Variants in TRIO observed in about 807,000 individuals in gnomAD.
TRIO encodes trio Rho guanine nucleotide exchange factor, also known as triple functional domain protein.
TRIO carries 58 observed loss-of-function variants against 351.9 expected under a neutral mutation model. The ratio of observed to expected loss-of-function variants is 0.16; its 90% confidence interval spans 0.13 to 0.21. The LOEUF (loss-of-function observed/expected upper bound fraction) is 0.21. TRIO is among the 10% of genes least tolerant of loss of function. TRIO has a pLI of 1.00. For missense variants in TRIO, 3,201 were observed against 4,027.8 expected (o/e 0.79, Z 5.56); for synonymous variants, 1,758 against 1,595.7 (o/e 1.10, Z -2.42).
Position 14,330,867 on chromosome 5 carries a change from G to A in TRIO, c.1821G>A (p.Gln607=). Reference sequence around the variant, plus strand: ...CTCTTCATCGGGCCAGAGCATTGCAGAAACGTCATGAAGATTTTGAAGAAG... The same window carrying A: ...CTCTTCATCGGGCCAGAGCATTGCAAAAACGTCATGAAGATTTTGAAGAAG... ...GKSLHRARAL[Q]KRHEDFEEVA... is the part of the protein sequence containing the mutation. The change falls in exon 10 of 57, where the codon CAG becomes CAA. Residue 607 remains glutamine (Q), a synonymous_variant. Transcript: ENST00000344204. The A allele has an allele frequency of 6.2e-7, 1 of 1,614,170 alleles. No individual in the cohort carries two copies. The highest frequency in any genetic ancestry group is 8.5e-7 in the Non-Finnish European group (1 of 1,180,004).
rs1452738725 is a variant in TRIO at position 14,507,173 on chromosome 5, T to A, written c.8664T>A (p.Thr2888=). The A allele has an allele frequency of 2.5e-6, 4 of 1,612,286 alleles. No homozygotes were observed. Among genetic ancestry groups the A allele is most frequent in the Non-Finnish European group, 3.4e-6 (4 of 1,179,722 alleles). ...GCGTGGTGCGATGGGGAAGCCTCACTGAAGGGAAGATCAGGGCGCACCTGG... is the reference window on the plus strand; with the variant it reads ...GCGTGGTGCGATGGGGAAGCCTCACAGAAGGGAAGATCAGGGCGCACCTGG... The part of the protein sequence containing the change: ...LDCVVRWGSL[T]EGKIRAHLGE... Residue 2888 remains threonine, a synonymous_variant, in exon 56 of 57, where the codon ACT becomes ACA. Transcript: ENST00000344204.
rs567199995 is a variant in TRIO at position 14,258,302 on chromosome 5, C to A, written c.158-12523C>A. On this transcript the variant is annotated intron_variant, in intron 1 of 56. Transcript: ENST00000344204. ...TCATTTCCTCTGCTGGATCCCAGCTCCTGGGGCAGCAGGCACCCTGAGGTC... is the reference window on the plus strand; with the variant it reads ...TCATTTCCTCTGCTGGATCCCAGCTACTGGGGCAGCAGGCACCCTGAGGTC... Among the ~76,000 whole-genome samples the A allele has an allele frequency of 7.2e-5, 11 of 152,292 alleles. No homozygotes were observed. In the South Asian group the frequency reaches 1.5e-3, roughly 20 times the overall value.
chr5:14,143,460 G>T lies in TRIO; in HGVS notation c.-266G>T, dbSNP rs1031467958. ...CCGGGAGGCGCGTGCTGCTGCCCGC[G>T]CTCCGGCCGGCGCCCGGGAGGCCGT... On this transcript the variant is annotated 5_prime_UTR_variant, in exon 1 of 57. Coordinates refer to ENST00000344204, the MANE Select transcript of TRIO (RefSeq NM_007118.4). Among the ~76,000 whole-genome samples, 2 of 148,438 alleles carry T rather than the reference G, an allele frequency of 1.3e-5. No homozygotes were observed.
rs71599612 is a variant in TRIO, at chr5:14,248,065, C to CAA, written c.158-22745_158-22744dup. Among the ~76,000 whole-genome samples, 1,168 of 132,218 alleles carry CAA rather than the reference C, an allele frequency of 8.8e-3. 22 individuals carry two copies. Among genetic ancestry groups the CAA allele is most frequent in the East Asian group, 0.051 (232 of 4,554 alleles). The allele number at this position is 132,218 out of a possible 152,430, so 86.7% of individuals were successfully genotyped here. ...TGGGCAACAGAGCGAGACTCCGTCT[C>CAA]AAAAAAAAAAAAAAAAGAAAATATA... On this transcript the variant is annotated intron_variant, in intron 1 of 56. Coordinates refer to ENST00000344204, the MANE Select transcript of TRIO (RefSeq NM_007118.4).
intron 1 of TRIO, among the ~76,000 whole-genome samples, chr5:14,235,994 A>G (rs1048276648): frequency 4.6e-5 from 7 of 152,120 alleles, no homozygotes; most frequent in African/African-American, 1.7e-4. Flanking sequence ...TCGATGATAC[A>G]TAAAACTTAT....
chr5:14,305,838 CAGT>C (rs1561317037), intron 8 of TRIO, among the ~76,000 whole-genome samples: 2 of 152,178 alleles, frequency 1.3e-5, no homozygotes, highest in Non-Finnish European at 2.9e-5. Flanking sequence ...GCAAATAAGA[CAGT>C]GGTCCTATAA....
intron 19 of TRIO, among the ~76,000 whole-genome samples, chr5:14,376,715 T>C (rs981665380): frequency 1.3e-5 from 2 of 152,264 alleles, no homozygotes; most frequent in African/African-American, 2.4e-5. Flanking sequence ...CCAACATCTT[T>C]GTACAAACAG....
intron 48 of TRIO, among the ~76,000 whole-genome samples, chr5:14,492,212 A>G (rs1756537698): frequency 6.6e-6 from 1 of 152,210 alleles, no homozygotes; most frequent in African/African-American, 2.4e-5. Flanking sequence ...TGATGTGGCT[A>G]TGTTTGCTTA....
At chr5:14,170,049 G>C (rs1005481867) in intron 1 of TRIO, among the ~76,000 whole-genome samples, 1 of 152,206 alleles carries the variant, frequency 6.6e-6, no homozygotes, top group Admixed American at 6.5e-5. Flanking sequence ...AAGAAGTTCT[G>C]AAGTCAGGCT....
intron 18 of TRIO, 49 bp downstream of exon 18, chr5:14,369,572 G>A: frequency 6.4e-7 from 1 of 1,554,114 alleles, no homozygotes; most frequent in Non-Finnish European, 8.7e-7. Flanking sequence ...CTTCCTGCCT[G>A]CCAGGTGCGC....
chr5:14,391,008 A>T lies in TRIO; in HGVS notation c.4218+18A>T. 6.4e-7 allele frequency: 1 copy of T among 1,569,532 alleles called. No homozygotes were observed. On this transcript the variant is annotated intron_variant, in intron 27 of 56. Transcript: ENST00000344204. ...ATTTTGACGTAAGTAATAGATTCCT[A>T]AAGAGACCATAATTTTCCAAGTTGT... is the stretch of plus-strand genomic sequence containing the variant.
chr5:14,374,147 C>A, intron 18 of TRIO, 82 bp from the exon 19 acceptor site: 3 of 947,134 alleles, frequency 3.2e-6, no homozygotes, highest in South Asian at 1.6e-5. Flanking sequence ...TAAAGACATA[C>A]GTTAGAGTGC....
intron 1 of TRIO, among the ~76,000 whole-genome samples, chr5:14,168,140 G>C (rs550110082): frequency 6.6e-6 from 1 of 152,302 alleles, no homozygotes; most frequent in East Asian, 1.9e-4. Flanking sequence ...GAATAGCTGT[G>C]AAAAATGGCG....
chr5:14,403,686 TG>T (rs1475375978), intron 31 of TRIO, among the ~76,000 whole-genome samples: 1 of 125,320 alleles, frequency 8.0e-6, no homozygotes, highest in Non-Finnish European at 1.7e-5. Context: ...GTGCAGGTGG[TG>T]GTGAGGGTGT....
At chr5:14,450,579 A>G (rs1427081084) in intron 34 of TRIO, among the ~76,000 whole-genome samples, 1 of 152,108 alleles carries the variant, frequency 6.6e-6, no homozygotes, top group Non-Finnish European at 1.5e-5. Context: ...TTTCTCCTTC[A>G]TGTTTTCTGT....
chr5:14,352,232 C>G (rs1743202693), intron 11 of TRIO, among the ~76,000 whole-genome samples: 2 of 152,212 alleles, frequency 1.3e-5, no homozygotes, highest in South Asian at 4.1e-4. Context: ...CTGGGCACCT[C>G]TCAGCACTAG....
intron 1 of TRIO, among the ~76,000 whole-genome samples, chr5:14,167,908 C>CT (rs1264311640): frequency 1.3e-5 from 2 of 152,124 alleles, no homozygotes; most frequent in South Asian, 2.1e-4. Context: ...ACTTAAATCT[C>CT]TTTTTTTTAA....
At chr5:14,310,164 G>A (rs551788444) in intron 8 of TRIO, among the ~76,000 whole-genome samples, 34 of 152,324 alleles carry the variant, frequency 2.2e-4, no homozygotes, top group Admixed American at 2.6e-4. Flanking sequence ...GAGATAAGTT[G>A]TAGTCATTTT....
At chr5:14,206,396 T>G (rs1791458824) in intron 1 of TRIO, among the ~76,000 whole-genome samples, 1 of 152,250 alleles carries the variant, frequency 6.6e-6, no homozygotes, top group Non-Finnish European at 1.5e-5. Context: ...AACGTCTTTT[T>G]AAAAAACTAA....
Sources: allele counts gnomAD v4.1 joint callset (sites outside exome capture counted in the v4.1 genomes callset), GRCh38; gene constraint gnomAD v4.1.1; transcripts MANE v1.5; gene names NCBI Gene and HGNC (gene_info 2026-07-23, HGNC 2026-07-21).